The following ENOX2 variants were observed in gnomAD, a reference collection of about 807,000 sequenced individuals.
The protein encoded by ENOX2 is APK1 antigen.
In ENOX2, 36 loss-of-function variants were observed where a neutral mutation model predicts 45.0. The ratio of observed to expected loss-of-function variants is 0.80; its 90% CI spans 0.61 to 1.06. The LOEUF (loss-of-function observed/expected upper bound fraction) is 1.06. ENOX2 is among the 50% of genes least tolerant of loss of function. ENOX2 has a pLI of 0.00. For missense variants in ENOX2, 423 were observed against 462.5 expected (o/e 0.91, Z 0.78); for synonymous variants, 174 against 152.3 (o/e 1.14, Z -1.05).
intron 11 of ENOX2, 145 bp from the exon 12 acceptor site, chrX:130,635,236 A>C: frequency 2.6e-6 from 1 of 387,043 alleles, no homozygotes; most frequent in Non-Finnish European, 4.4e-6. Flanking sequence ...AGATTGGGCA[A>C]ATCAAGATAT....
chrX:130,854,307 A>G (rs1257080551), intron 2 of ENOX2, among the ~76,000 whole-genome samples: 4 of 112,265 alleles, frequency 3.6e-5, no homozygotes, highest in African/African-American at 1.3e-4. Flanking sequence ...CAGATGACAG[A>G]GGAAAGAATC....
intron 13 of ENOX2, among the ~76,000 whole-genome samples, chrX:130,630,748 A>C (rs2035678303): frequency 9.0e-6 from 1 of 111,261 alleles, no homozygotes; most frequent in African/African-American, 3.3e-5. Flanking sequence ...ATCAGACAGA[A>C]GTAGAGGAAA....
chrX:130,797,984 T>C lies in ENOX2; in HGVS notation c.-182-14294A>G, dbSNP rs191612424. Among the ~76,000 whole-genome samples, 730 of 110,734 alleles carry C rather than the reference T, an allele frequency of 6.6e-3. 9 individuals are homozygous for C. The highest frequency in any genetic ancestry group is 0.023 in the African/African-American group (688 of 30,409). On this transcript the variant is annotated intron_variant, in intron 2 of 14. Coordinates refer to ENST00000394363, the MANE Select transcript of ENOX2 (RefSeq NM_006375.4). Reference sequence around the variant, plus strand: ...ACTTTAAGGCAGTGTGTCTTATCCCTGGCTACATATTAAATTCAACTGGAG... The same window carrying C: ...ACTTTAAGGCAGTGTGTCTTATCCCCGGCTACATATTAAATTCAACTGGAG...
At chrX:130,854,959 T>A (rs893442399) in intron 2 of ENOX2, among the ~76,000 whole-genome samples, 1 of 111,882 alleles carries the variant, frequency 8.9e-6, no homozygotes, top group Non-Finnish European at 1.9e-5. Context: ...ATAGCTAACA[T>A]CTTGGTGAAA....
chrX:130,669,662 C>T (rs2036926454), intron 7 of ENOX2, among the ~76,000 whole-genome samples: 1 of 112,167 alleles, frequency 8.9e-6, no homozygotes, highest in African/African-American at 3.2e-5. Flanking sequence ...AGTCATAGAT[C>T]ATGCCTAAAA....
chrX:130,855,191 G>A (rs1297032299), intron 2 of ENOX2, among the ~76,000 whole-genome samples: 2 of 111,675 alleles, frequency 1.8e-5, no homozygotes, highest in Non-Finnish European at 3.8e-5. Context: ...TCAGCAAGGT[G>A]AGAGGCTATA....
chrX:130,701,084 G>T (rs1338890695), intron 4 of ENOX2, among the ~76,000 whole-genome samples: 1 of 111,813 alleles, frequency 8.9e-6, no homozygotes, highest in South Asian at 3.8e-4. Flanking sequence ...GTTATAGATG[G>T]ATGGCTAAGT....
chrX:130,759,412 T>G (rs1354297506), intron 3 of ENOX2, among the ~76,000 whole-genome samples: 1 of 108,259 alleles, frequency 9.2e-6, no homozygotes, highest in African/African-American at 3.4e-5. Context: ...GCCAACATGG[T>G]GAAACCCCGA....
intron 12 of ENOX2, among the ~76,000 whole-genome samples, chrX:130,632,124 A>C (rs984232441): frequency 1.8e-5 from 2 of 111,435 alleles, no homozygotes; most frequent in Non-Finnish European, 3.8e-5. Context: ...TAGTGAATCA[A>C]CTGTTGGTTT....
intron 2 of ENOX2, among the ~76,000 whole-genome samples, chrX:130,846,674 C>A (rs185863852): frequency 1.2e-3 from 134 of 112,726 alleles, no homozygotes; most frequent in African/African-American, 4.1e-3. Flanking sequence ...ATTGTACATG[C>A]AAGTAAGATT....
At chrX:130,737,060 G>A (rs865825361) in intron 3 of ENOX2, among the ~76,000 whole-genome samples, 3 of 112,146 alleles carry the variant, frequency 2.7e-5, no homozygotes, top group Non-Finnish European at 5.6e-5. Context: ...TAGCCCATCC[G>A]TACTAACATA....
intron 2 of ENOX2, among the ~76,000 whole-genome samples, chrX:130,896,694 T>C (rs1314666040): frequency 4.5e-5 from 5 of 112,205 alleles, no homozygotes; most frequent in Non-Finnish European, 9.4e-5. Context: ...ATAGATTTTT[T>C]TTCCTGGAGT....
chrX:130,662,574 G>A (rs985426350), intron 9 of ENOX2, among the ~76,000 whole-genome samples: 3 of 111,826 alleles, frequency 2.7e-5, no homozygotes, highest in Non-Finnish European at 5.6e-5. Context: ...TTTTCAAGGG[G>A]TGCTAAGAGG....
chrX:130,881,881 C>T (rs978218658), intron 2 of ENOX2, among the ~76,000 whole-genome samples: 2 of 111,714 alleles, frequency 1.8e-5, no homozygotes, highest in African/African-American at 3.3e-5. Context: ...CGGAACAGCT[C>T]GGAACCTTTA....
chrX:130,755,712 C>T (rs1284341692), intron 3 of ENOX2, among the ~76,000 whole-genome samples: 1 of 111,317 alleles, frequency 9.0e-6, no homozygotes. Flanking sequence ...CCCTCAGGCA[C>T]TTATCCTCTG....
intron 2 of ENOX2, among the ~76,000 whole-genome samples, chrX:130,868,121 G>T (rs1233791866): frequency 9.0e-6 from 1 of 111,510 alleles, no homozygotes; most frequent in African/African-American, 3.3e-5. Flanking sequence ...ACTTGGAAGA[G>T]TCTGGCAATT....
At chrX:130,780,291 G>T (rs1315803953) in intron 3 of ENOX2, among the ~76,000 whole-genome samples, 1 of 111,950 alleles carries the variant, frequency 8.9e-6, no homozygotes, top group Non-Finnish European at 1.9e-5. Context: ...GCTTTCCCTA[G>T]TCTGCACCAA....
intron 2 of ENOX2, among the ~76,000 whole-genome samples, chrX:130,792,351 T>A (rs184048487): frequency 1.8e-5 from 2 of 111,951 alleles, no homozygotes; most frequent in Non-Finnish European, 3.8e-5. Flanking sequence ...CAAAATCCCA[T>A]GACATGAGTT....
At chrX:130,782,679 T>C (rs2076914282) in intron 3 of ENOX2, among the ~76,000 whole-genome samples, 1 of 111,085 alleles carries the variant, frequency 9.0e-6, no homozygotes, top group Non-Finnish European at 1.9e-5. Flanking sequence ...AAAGAAAAAA[T>C]GATGAACATG....
Sources: gnomAD v4.1 joint callset for allele counts (sites outside exome capture counted in the v4.1 genomes callset) on GRCh38, gnomAD v4.1.1 for gene constraint, MANE v1.5 for transcripts, NCBI Gene and HGNC (gene_info 2026-07-23, HGNC 2026-07-21) for gene names.